Variants in HS6ST3 observed in about 807,000 individuals in gnomAD.
The protein encoded by HS6ST3 is heparan-sulfate 6-O-sulfotransferase 3.
HS6ST3 carries 12 observed loss-of-function variants against 36.7 expected under a neutral mutation model. That is an observed-to-expected ratio of 0.33 (90% CI 0.21 to 0.53). HS6ST3 has a LOEUF of 0.53. HS6ST3 is among the 20% of genes least tolerant of loss of function. The pLI is 0.95. For synonymous variants in HS6ST3, 240 were observed against 257.5 expected (o/e 0.93, Z 0.65); for missense variants, 584 against 640.9 (o/e 0.91, Z 0.96).
chr13:96,351,237 A>G (rs982404779), intron 1 of HS6ST3, among the ~76,000 whole-genome samples: 1 of 152,048 alleles, frequency 6.6e-6, no homozygotes, highest in Non-Finnish European at 1.5e-5. Flanking sequence ...TTAATTTGTT[A>G]TAATTCAAAA....
At chr13:96,774,253 A>G (rs1396473418) in intron 1 of HS6ST3, among the ~76,000 whole-genome samples, 1 of 152,190 alleles carries the variant, frequency 6.6e-6, no homozygotes, top group African/African-American at 2.4e-5. Flanking sequence ...GAAAATTCCA[A>G]AAACCAAAAT....
intron 1 of HS6ST3, among the ~76,000 whole-genome samples, chr13:96,674,563 A>T (rs1042891367): frequency 6.6e-6 from 1 of 151,894 alleles, no homozygotes; most frequent in African/African-American, 2.4e-5. Flanking sequence ...ATTCTCCTTC[A>T]TGAGCCGACT....
intron 1 of HS6ST3, among the ~76,000 whole-genome samples, chr13:96,236,997 C>G (rs1043538647): frequency 6.6e-6 from 1 of 152,156 alleles, no homozygotes; most frequent in Non-Finnish European, 1.5e-5. Flanking sequence ...GGAGAAGGCA[C>G]CTCTTCACAG....
In HS6ST3 at chr13:96,799,996, A is replaced by ATGTATATATATATATG. The variant is rs1878023547; in HGVS notation, c.708-32479_708-32478insGTGTATATATATATAT. On this transcript the variant is annotated intron_variant, in intron 1 of 1. Transcript: ENST00000376705. ...TATATATATATGTATATATATATATATGTATATATATATATATGTATATAT... is the reference window on the plus strand; with the variant it reads ...TATATATATATGTATATATATATATATGTATATATATATATGTGTATATATATATATATGTATATAT... Among the ~76,000 whole-genome samples, 9 of 77,198 alleles carry ATGTATATATATATATG rather than the reference A, an allele frequency of 1.2e-4. 1 individual carries two copies. The highest frequency in any genetic ancestry group is 1.8e-4 in the African/African-American group (2 of 11,316). The allele number at this position is 77,198 out of a possible 152,430, so 50.6% of individuals were successfully genotyped here.
intron 1 of HS6ST3, among the ~76,000 whole-genome samples, chr13:96,356,689 T>A (rs1313186052): frequency 1.3e-5 from 2 of 152,154 alleles, no homozygotes. Context: ...ACAGGTAGAG[T>A]AGATTTAGCA....
intron 1 of HS6ST3, among the ~76,000 whole-genome samples, chr13:96,315,413 G>T (rs981539807): frequency 6.6e-6 from 1 of 152,104 alleles, no homozygotes; most frequent in African/African-American, 2.4e-5. Context: ...TACTCAGAGT[G>T]TAAGAATATG....
At chr13:96,350,564 A>G (rs778680456) in intron 1 of HS6ST3, among the ~76,000 whole-genome samples, 3 of 152,194 alleles carry the variant, frequency 2.0e-5, no homozygotes, top group Non-Finnish European at 4.4e-5. Flanking sequence ...CTAATCTTAT[A>G]TGTTCATTTT....
At chr13:96,151,256 T>C (rs2054083448) in intron 1 of HS6ST3, among the ~76,000 whole-genome samples, 1 of 152,030 alleles carries the variant, frequency 6.6e-6, no homozygotes. Context: ...ATACAAAAAT[T>C]AGCTGGGTGT....
intron 1 of HS6ST3, among the ~76,000 whole-genome samples, chr13:96,157,660 G>T (rs2054116455): frequency 6.6e-6 from 1 of 152,168 alleles, no homozygotes; most frequent in South Asian, 2.1e-4. Flanking sequence ...ATAAGAACTA[G>T]AGGGTTATAT....
intron 1 of HS6ST3, among the ~76,000 whole-genome samples, chr13:96,160,131 A>C (rs571405719): frequency 6.6e-6 from 1 of 152,366 alleles, no homozygotes; most frequent in Non-Finnish European, 1.5e-5. Flanking sequence ...CTTAAAATCC[A>C]TATAGCTATG....
intron 1 of HS6ST3, among the ~76,000 whole-genome samples, chr13:96,468,983 A>G (rs997681556): frequency 6.6e-6 from 1 of 151,934 alleles, no homozygotes; most frequent in Non-Finnish European, 1.5e-5. Flanking sequence ...AGAAAAAAAT[A>G]TTTTTCTAAT....
At chr13:96,289,429 C>T (rs1268089916) in intron 1 of HS6ST3, among the ~76,000 whole-genome samples, 1 of 152,104 alleles carries the variant, frequency 6.6e-6, no homozygotes, top group African/African-American at 2.4e-5. Flanking sequence ...AAACAGATCT[C>T]ACTATATATG....
intron 1 of HS6ST3, among the ~76,000 whole-genome samples, chr13:96,225,511 A>G (rs1286474500): frequency 6.6e-6 from 1 of 152,230 alleles, no homozygotes; most frequent in Non-Finnish European, 1.5e-5. Context: ...TTAGATAATC[A>G]TGTTGAATAT....
intron 1 of HS6ST3, among the ~76,000 whole-genome samples, chr13:96,773,556 A>C (rs912594024): frequency 6.6e-6 from 1 of 152,196 alleles, no homozygotes; most frequent in Non-Finnish European, 1.5e-5. Flanking sequence ...AAACAAGGCC[A>C]CTGGAAAGTT....
intron 1 of HS6ST3, among the ~76,000 whole-genome samples, chr13:96,312,851 C>A (rs2054948278): frequency 6.7e-6 from 1 of 149,400 alleles, no homozygotes; most frequent in Non-Finnish European, 1.5e-5. Context: ...ACTTAGGAGG[C>A]TCAGGCATGA....
intron 1 of HS6ST3, among the ~76,000 whole-genome samples, chr13:96,577,679 G>T (rs4548722): frequency 6.6e-6 from 1 of 151,834 alleles, no homozygotes. Context: ...AAACATGGGC[G>T]AAGGACATGA....
chr13:96,688,057 ACCG>A (rs1348841245), intron 1 of HS6ST3, among the ~76,000 whole-genome samples: 4 of 63,358 alleles, frequency 6.3e-5, no homozygotes, highest in South Asian at 7.2e-4. Context: ...TCACACACAC[ACCG>A]GGGCCTGTCA....
At chr13:96,582,558 A>G (rs2056345817) in intron 1 of HS6ST3, among the ~76,000 whole-genome samples, 1 of 152,202 alleles carries the variant, frequency 6.6e-6, no homozygotes, top group African/African-American at 2.4e-5. Context: ...AATATGTTCC[A>G]GTTTTCATGG....
chr13:96,195,835 T>C (rs2054310197), intron 1 of HS6ST3, among the ~76,000 whole-genome samples: 1 of 152,192 alleles, frequency 6.6e-6, no homozygotes. Context: ...CGGGATATTC[T>C]TATATCTCTC....
Sources: allele counts gnomAD v4.1 joint callset (sites outside exome capture counted in the v4.1 genomes callset), GRCh38; gene constraint gnomAD v4.1.1; transcripts MANE v1.5; gene names NCBI Gene and HGNC (gene_info 2026-07-23, HGNC 2026-07-21).